Variants in INO80 observed in about 807,000 individuals in gnomAD.
The protein encoded by INO80 is chromatin-remodeling ATPase INO80.
INO80 carries 20 observed loss-of-function variants against 203.4 expected under a neutral mutation model. The observed-to-expected ratio is 0.10, with a 90% confidence interval of 0.07 to 0.14. The LOEUF is 0.14. Ranked by LOEUF, INO80 falls within the 10% of genes least tolerant of loss-of-function variation. INO80 has a pLI of 1.00. For missense variants in INO80, 1,419 were observed against 1,914.4 expected (o/e 0.74, Z 4.83); for synonymous variants, 726 against 685.2 (o/e 1.06, Z -0.93).
At chr15:41,011,292 T>G (rs1234668389) in intron 27 of INO80, among the ~76,000 whole-genome samples, 1 of 152,216 alleles carries the variant, frequency 6.6e-6, no homozygotes, top group African/African-American at 2.4e-5. Context: ...ATATCCTTCT[T>G]GCTATCCTCA....
intron 1 of INO80, among the ~76,000 whole-genome samples, chr15:41,104,862 A>C (rs766935871): frequency 1.3e-5 from 2 of 152,154 alleles, no homozygotes; most frequent in African/African-American, 2.4e-5. Context: ...TTTATATTGT[A>C]CAGAATTATG....
At chr15:40,988,762 C>T (rs1328270454) in intron 29 of INO80, among the ~76,000 whole-genome samples, 4 of 152,342 alleles carry the variant, frequency 2.6e-5, no homozygotes, top group African/African-American at 9.6e-5. Flanking sequence ...CGCCTGTAAT[C>T]CCATCACTTT....
Position 40,983,093 on chromosome 15 carries a change from G to A in INO80, c.4238-16C>T. The A allele has an allele frequency of 6.3e-7, 1 of 1,590,786 alleles. No homozygotes were observed. The highest frequency in any genetic ancestry group is 8.6e-7 in the Non-Finnish European group (1 of 1,165,162). ...ATGGAAATTCCTGTGGGAACAAATG[G>A]GCCAAAAGGGAAAGAAAAAAAAAAA... On this transcript the variant is annotated splice_polypyrimidine_tract_variant and intron_variant, in intron 34 of 35. Coordinates refer to ENST00000648947, the MANE Select transcript of INO80 (RefSeq NM_017553.3).
intron 24 of INO80, among the ~76,000 whole-genome samples, chr15:41,036,819 C>T (rs574956921): frequency 1.6e-3 from 238 of 152,210 alleles, no homozygotes; most frequent in Admixed American, 2.9e-3. Flanking sequence ...CGGTGGCTCA[C>T]GACTGTAATC....
intron 25 of INO80, among the ~76,000 whole-genome samples, chr15:41,022,305 T>C (rs146373751): frequency 5.5e-4 from 84 of 152,350 alleles, no homozygotes; most frequent in African/African-American, 2.0e-3. Context: ...AGTTCTATCA[T>C]TTCGTGGAAG....
At chr15:41,113,584 G>C (rs369606115) in intron 1 of INO80, among the ~76,000 whole-genome samples, 23 of 152,222 alleles carry the variant, frequency 1.5e-4, no homozygotes, top group Non-Finnish European at 2.6e-4. Context: ...CTTTCATTAA[G>C]TGAACCTCTA....
intron 24 of INO80, among the ~76,000 whole-genome samples, chr15:41,031,578 G>A (rs1202170452): frequency 2.1e-4 from 1 of 4,672 alleles, no homozygotes. Flanking sequence ...AGGAAGGGAG[G>A]AAGGGAGGAA....
intron 1 of INO80, among the ~76,000 whole-genome samples, chr15:41,107,883 C>T (rs1054267175): frequency 2.0e-5 from 3 of 151,500 alleles, no homozygotes; most frequent in Non-Finnish European, 2.9e-5. Flanking sequence ...GGGTGGATCA[C>T]GAGGTCAGAA....
At chr15:40,980,856 CCTG>C (rs1317306510) in intron 35 of INO80, among the ~76,000 whole-genome samples, 3 of 152,162 alleles carry the variant, frequency 2.0e-5, no homozygotes. Flanking sequence ...ATTTCATGCT[CCTG>C]CTACTCTCCA....
chr15:41,028,356 G>A (rs986459121), intron 24 of INO80, among the ~76,000 whole-genome samples: 7 of 152,120 alleles, frequency 4.6e-5, no homozygotes, highest in East Asian at 3.9e-4. Flanking sequence ...GGCTGGTCTC[G>A]AACTCCTGAC....
chr15:41,062,877 G>A (rs1373997747), intron 14 of INO80, among the ~76,000 whole-genome samples: 1 of 152,110 alleles, frequency 6.6e-6, no homozygotes. Flanking sequence ...TCAGTTTTCT[G>A]TGTTTTGTTA....
intron 24 of INO80, among the ~76,000 whole-genome samples, chr15:41,029,240 T>C (rs1475845386): frequency 6.6e-6 from 1 of 152,248 alleles, no homozygotes; most frequent in African/African-American, 2.4e-5. Flanking sequence ...ACTCTGAGGA[T>C]AATTTGTTCA....
intron 16 of INO80, among the ~76,000 whole-genome samples, chr15:41,057,797 CAAAAAA>C (rs35197370): frequency 3.4e-5 from 1 of 29,348 alleles, no homozygotes; most frequent in African/African-American, 1.2e-4. Flanking sequence ...AACTACATCT[CAAAAAA>C]AAAAAAAAAA....
At chr15:40,989,288 T>A (rs2043785149) in intron 29 of INO80, among the ~76,000 whole-genome samples, 1 of 152,204 alleles carries the variant, frequency 6.6e-6, no homozygotes, top group South Asian at 2.1e-4. Flanking sequence ...ATGGAATGTT[T>A]AAAGGGTTCT....
intron 1 of INO80, among the ~76,000 whole-genome samples, chr15:41,113,912 T>C (rs1481120234): frequency 2.0e-5 from 3 of 152,252 alleles, no homozygotes; most frequent in African/African-American, 7.2e-5. Context: ...ATTTGGTTTC[T>C]ACTGAAATAA....
chr15:41,032,672 T>C (rs2044508297), intron 24 of INO80, among the ~76,000 whole-genome samples: 1 of 152,206 alleles, frequency 6.6e-6, no homozygotes, highest in Non-Finnish European at 1.5e-5. Context: ...AGAACCTTTG[T>C]GTATTTTAAA....
At chr15:41,044,822 T>C in intron 24 of INO80, 82 bp downstream of exon 24, 1 of 1,412,278 alleles carries the variant, frequency 7.1e-7, no homozygotes, top group Non-Finnish European at 9.5e-7. Context: ...AGGCCTTCAT[T>C]TACTTTACTA....
At chr15:41,027,870 A>G (rs920945881) in intron 24 of INO80, 134 bp from the exon 25 acceptor site, 2 of 608,100 alleles carry the variant, frequency 3.3e-6, no homozygotes, top group African/African-American at 3.7e-5. Context: ...TCTAATAAAC[A>G]ACCACTAATT....
intron 28 of INO80, chr15:41,004,735 G>A (rs190006338): frequency 6.6e-6 from 1 of 152,360 alleles, no homozygotes; most frequent in East Asian, 1.9e-4. Flanking sequence ...GAGAGGTACT[G>A]TGGCTGAGAG....
Sources: gnomAD v4.1 joint callset for allele counts (sites outside exome capture counted in the v4.1 genomes callset) on GRCh38, gnomAD v4.1.1 for gene constraint, MANE v1.5 for transcripts, NCBI Gene and HGNC (gene_info 2026-07-23, HGNC 2026-07-21) for gene names.